The following HTR5A variants were observed in gnomAD, a reference collection of about 807,000 sequenced individuals.
HTR5A encodes 5-hydroxytryptamine receptor 5A.
A neutral mutation model predicts 24.3 loss-of-function variants in HTR5A; 21 were observed. The observed-to-expected ratio is 0.86, with a 90% CI of 0.61 to 1.24. HTR5A has a LOEUF of 1.24. Among genes scored for constraint, HTR5A ranks in the 50% most tolerant of loss-of-function variants. HTR5A has a pLI of 0.00. For synonymous variants in HTR5A, 260 were observed against 213.7 expected (o/e 1.22, Z -1.89); for missense variants, 497 against 489.5 (o/e 1.02, Z -0.15).
Position 155,070,556 on chromosome 7 carries a change from C to G in HTR5A, c.-344C>G, listed in dbSNP as rs1459575590. On this transcript the variant is annotated 5_prime_UTR_variant, in exon 1 of 2. Transcript: ENST00000287907. ...ACGCTGCTGGCCGCCCAGCTTCTCC[C>G]CGATCTGGGAGATGCTCGGCTCTGG... is the stretch of plus-strand genomic sequence containing the variant. The G allele has an allele frequency of 2.1e-5, 8 of 383,826 alleles. No individual in the cohort carries two copies. The East Asian group carries it at 4.6e-4, about 22-fold the overall frequency. The allele number at this position is 383,826 out of a possible 1,614,324, so 23.8% of individuals were successfully genotyped here.
chr7:155,080,151 C>G (rs1207079744), intron 1 of HTR5A, among the ~76,000 whole-genome samples: 1 of 152,198 alleles, frequency 6.6e-6, no homozygotes, highest in East Asian at 1.9e-4. Flanking sequence ...AGACAACACA[C>G]AAGCAAGGCA....
intron 1 of HTR5A, among the ~76,000 whole-genome samples, chr7:155,079,255 G>C (rs1382333024): frequency 2.6e-5 from 4 of 152,084 alleles, no homozygotes; most frequent in Non-Finnish European, 5.9e-5. Context: ...GCCTGGCCTA[G>C]AAAATTTCTT....
At chr7:155,083,146 G>A (rs913569416) in intron 1 of HTR5A, among the ~76,000 whole-genome samples, 1 of 152,150 alleles carries the variant, frequency 6.6e-6, no homozygotes, top group Non-Finnish European at 1.5e-5. Context: ...TTAGTTAAGT[G>A]GGTTAGATTA....
chr7:155,072,961 T>C (rs2581840), intron 1 of HTR5A, among the ~76,000 whole-genome samples: 138,861 of 152,112 alleles, frequency 0.91, 64,713 homozygotes, highest in East Asian at 1. Context: ...TATATCAGCA[T>C]TTCTCAGCGA....
At chr7:155,078,829 A>G (rs1356280647) in intron 1 of HTR5A, among the ~76,000 whole-genome samples, 1 of 150,180 alleles carries the variant, frequency 6.7e-6, no homozygotes, top group African/African-American at 2.4e-5. Context: ...ATAGTTCAAG[A>G]AAATAAAAAT....
chr7:155,076,880 AG>A (rs1334299547), intron 1 of HTR5A, among the ~76,000 whole-genome samples: 1 of 152,350 alleles, frequency 6.6e-6, no homozygotes, highest in African/African-American at 2.4e-5. Flanking sequence ...AAGAAGGCAA[AG>A]CCTCCAGGTT....
intron 1 of HTR5A, among the ~76,000 whole-genome samples, chr7:155,073,323 G>GAAAAAAAAAAAAAA (rs66715434): frequency 9.2e-6 from 1 of 109,132 alleles, no homozygotes. Flanking sequence ...TCTGTCTCAA[G>GAAAAAAAAAAAAAA]AAAAAAAAAA....
intron 1 of HTR5A, among the ~76,000 whole-genome samples, chr7:155,081,346 C>G (rs1457312118): frequency 1.3e-5 from 2 of 152,110 alleles, no homozygotes; most frequent in Non-Finnish European, 2.9e-5. Flanking sequence ...AATAAAAGAA[C>G]ATACCAGATT....
At chr7:155,083,818 G>A (rs1399818563) in intron 1 of HTR5A, among the ~76,000 whole-genome samples, 1 of 152,174 alleles carries the variant, frequency 6.6e-6, no homozygotes, top group African/African-American at 2.4e-5. Context: ...CACTTTTGAT[G>A]AAGTGTGCAC....
At position 155,086,454 on chromosome 7, in the gene HTR5A, C is replaced by T. The variant is rs1795477838; in HGVS notation, c.*1967C>T. Among the ~76,000 whole-genome samples the T allele has an allele frequency of 6.6e-6, 1 of 152,218 alleles. No homozygotes were observed. Among genetic ancestry groups the T allele is most frequent in the South Asian group, 2.1e-4 (1 of 4,824 alleles). On this transcript the variant is annotated 3_prime_UTR_variant, in exon 2 of 2. Transcript: ENST00000287907. ...TGGCTTCAAACACTCCCCAACTCTCCAAGGATTCTGTATACCCCAGTTGGA... is the reference window on the plus strand; with the variant it reads ...TGGCTTCAAACACTCCCCAACTCTCTAAGGATTCTGTATACCCCAGTTGGA...
intron 1 of HTR5A, among the ~76,000 whole-genome samples, chr7:155,083,817 T>A (rs908653409): frequency 5.3e-5 from 8 of 152,198 alleles, no homozygotes; most frequent in Non-Finnish European, 1.0e-4. Flanking sequence ...ACACTTTTGA[T>A]GAAGTGTGCA....
intron 1 of HTR5A, among the ~76,000 whole-genome samples, chr7:155,073,881 A>ACG (rs1795328594): frequency 1.4e-4 from 1 of 7,154 alleles, no homozygotes; most frequent in African/African-American, 1.5e-4. Flanking sequence ...ATATATGTAT[A>ACG]TATATATGTA....
chr7:155,074,158 A>G (rs1308135756), intron 1 of HTR5A, among the ~76,000 whole-genome samples: 1 of 151,996 alleles, frequency 6.6e-6, no homozygotes, highest in Non-Finnish European at 1.5e-5. Context: ...TTCCCTGGGG[A>G]AACCACAACA....
intron 1 of HTR5A, among the ~76,000 whole-genome samples, chr7:155,073,736 G>A (rs1005123107): frequency 1.8e-4 from 28 of 151,478 alleles, no homozygotes; most frequent in African/African-American, 6.3e-4. Context: ...TCCATCCCAA[G>A]GCTTCCTGTA....
chr7:155,071,173 C>G lies in HTR5A; in HGVS notation c.274C>G (p.Leu92Val). 6.2e-7 allele frequency: 1 copy of G among 1,602,972 alleles called. No homozygotes were observed. The highest frequency in any genetic ancestry group is 8.5e-7 in the Non-Finnish European group (1 of 1,179,868). Residue 92 changes from leucine (L) to valine (V), a missense_variant, in exon 1 of 2, where the codon CTG becomes GTG. Physicochemically the swap from Leu to Val is conservative, Grantham distance 32 (BLOSUM62 1). Coordinates refer to ENST00000287907, the MANE Select transcript of HTR5A (RefSeq NM_024012.4). ...CGTCTCGGATGTCCTGGTGGCCGCGCTGGTCATGCCGCTGAGCCTGGTGCA... is the reference window on the plus strand; with the variant it reads ...CGTCTCGGATGTCCTGGTGGCCGCGGTGGTCATGCCGCTGAGCCTGGTGCA... ...MAVSDVLVAA[L>V]VMPLSLVHEL...
At chr7:155,079,371 G>A (rs1186016983) in intron 1 of HTR5A, among the ~76,000 whole-genome samples, 1 of 152,126 alleles carries the variant, frequency 6.6e-6, no homozygotes, top group African/African-American at 2.4e-5. Flanking sequence ...AGAAAACCCT[G>A]GTTCATTTAG....
At chr7:155,077,144 T>A (rs1232271111) in intron 1 of HTR5A, 9 of 152,218 alleles carry the variant, frequency 5.9e-5, no homozygotes, top group African/African-American at 2.2e-4. Context: ...TTACATGCAG[T>A]GTAGGCATTC....
At chr7:155,073,518 T>C (rs1191962803) in intron 1 of HTR5A, among the ~76,000 whole-genome samples, 1 of 151,914 alleles carries the variant, frequency 6.6e-6, no homozygotes, top group Non-Finnish European at 1.5e-5. Context: ...TGCTGATGGG[T>C]AAGAACACTG....
rs753684277 is a variant in HTR5A, at chr7:155,070,981, G to A, written c.82G>A (p.Asp28Asn). Residue 28 changes from aspartate to asparagine, a missense_variant, in exon 1 of 2, where the codon GAC becomes AAC. Asp to Asn is a conservative substitution (Grantham distance 23). Transcript: ENST00000287907. Reference protein sequence around the residue: ...LETNHSLGKDDLRPSSPLLSV... With the variant: ...LETNHSLGKDNLRPSSPLLSV... ...GACCAACCACAGCCTCGGCAAAGAC[G>A]ACCTGCGCCCCAGCTCGCCCCTGCT... 3.7e-6 allele frequency: 6 copies of A among 1,611,498 alleles called. No homozygotes were observed. Among genetic ancestry groups the A allele is most frequent in the East Asian group, 2.2e-5 (1 of 44,854 alleles).
Sources: allele counts gnomAD v4.1 joint callset (sites outside exome capture counted in the v4.1 genomes callset), GRCh38; gene constraint gnomAD v4.1.1; transcripts MANE v1.5; gene names NCBI Gene and HGNC (gene_info 2026-07-23, HGNC 2026-07-21).